ROBO2: variants seen among roughly 807,000 people sequenced by gnomAD.
ROBO2 encodes the protein roundabout guidance receptor 2, also known as roundabout homolog 2.
ROBO2 carries 53 observed loss-of-function variants against 160.8 expected under a neutral mutation model. The observed-to-expected ratio is 0.33, with a 90% CI of 0.26 to 0.41. ROBO2 has a LOEUF of 0.41. Ranked by LOEUF, ROBO2 falls within the 10% of genes least tolerant of loss-of-function variation. The probability of loss-of-function intolerance (pLI) is 1.00; values close to 1 mark genes in which losing one functional copy is unlikely to be tolerated. For synonymous variants in ROBO2, 664 were observed against 611.7 expected, an observed-to-expected ratio of 1.09 and a Z score of -1.26; for missense variants, 1,577 against 1,722.4, an observed-to-expected ratio of 0.92 and a Z score of 1.49.
chr3:77,034,428 G>A lies in ROBO2; in HGVS notation c.110-63586G>A, dbSNP rs867531274. On this transcript the variant is annotated intron_variant, in intron 2 of 26. Transcript: ENST00000487694. Reference sequence around the variant, plus strand: ...ACTTCAGGTACTCCACAAGTAGTCAGAATTTGTTTTATCAGGCAGAAATAA... The same window carrying A: ...ACTTCAGGTACTCCACAAGTAGTCAAAATTTGTTTTATCAGGCAGAAATAA... Among the ~76,000 whole-genome samples, 73 of 148,242 alleles carry A rather than the reference G, an allele frequency of 4.9e-4. 1 individual carries two copies. Among genetic ancestry groups the A allele is most frequent in the African/African-American group, 1.7e-3 (71 of 40,572 alleles).
chr3:77,129,648 C>A (rs768840294), intron 2 of ROBO2, among the ~76,000 whole-genome samples: 1 of 152,118 alleles, frequency 6.6e-6, no homozygotes, highest in African/African-American at 2.4e-5. Flanking sequence ...GTGCAACGTG[C>A]GGTCGGGTGT....
At chr3:75,966,087 A>T (rs187411498) in intron 2 of ROBO2, among the ~76,000 whole-genome samples, 1 of 151,846 alleles carries the variant, frequency 6.6e-6, no homozygotes, top group East Asian at 2.0e-4. Flanking sequence ...TAACTTGACT[A>T]TTATACAAAT....
chr3:77,167,199 T>G (rs2079177945), intron 2 of ROBO2, among the ~76,000 whole-genome samples: 1 of 152,122 alleles, frequency 6.6e-6, no homozygotes, highest in South Asian at 2.1e-4. Flanking sequence ...ATTTAAACAT[T>G]GTATTTGGCC....
chr3:77,037,656 CCA>C (rs2063720075), upstream of ROBO2, among the ~76,000 whole-genome samples: 2 of 151,912 alleles, frequency 1.3e-5, no homozygotes, highest in African/African-American at 4.8e-5. Context: ...CTTCTGTTTC[CCA>C]CACACACTCT....
intron 2 of ROBO2, among the ~76,000 whole-genome samples, chr3:76,619,206 A>G (rs975210267): frequency 1.6e-3 from 242 of 151,508 alleles, no homozygotes; most frequent in African/African-American, 5.3e-3. Context: ...CGGGCGTGGT[A>G]GCGGGCGCCT....
At chr3:76,470,547 T>C (rs1302970327) in intron 2 of ROBO2, among the ~76,000 whole-genome samples, 2 of 152,106 alleles carry the variant, frequency 1.3e-5, no homozygotes, top group Non-Finnish European at 2.9e-5. Context: ...CTCGGGCTTC[T>C]CATACCAGAG....
chr3:77,399,324 C>T (rs2075585820), intron 2 of ROBO2, among the ~76,000 whole-genome samples: 1 of 152,196 alleles, frequency 6.6e-6, no homozygotes, highest in African/African-American at 2.4e-5. Flanking sequence ...ATGCCCAATG[C>T]ACATATTCCT....
chr3:76,388,796 C>G (rs1033195583), intron 2 of ROBO2, among the ~76,000 whole-genome samples: 27 of 152,132 alleles, frequency 1.8e-4, no homozygotes, highest in African/African-American at 6.3e-4. Context: ...TTCCATCTAT[C>G]CATTTATCTA....
chr3:76,846,706 C>T (rs904325210), intron 2 of ROBO2, among the ~76,000 whole-genome samples: 1 of 152,138 alleles, frequency 6.6e-6, no homozygotes, highest in African/African-American at 2.4e-5. Context: ...CTTAAACTCA[C>T]AAACTATTTA....
intron 2 of ROBO2, among the ~76,000 whole-genome samples, chr3:76,521,045 C>CTTTTTTTTTT (rs58517740): frequency 3.0e-5 from 3 of 100,122 alleles, no homozygotes; most frequent in East Asian, 3.0e-4. Flanking sequence ...AAAATTGCTT[C>CTTTTTTTTTT]TTTTTTTTTT....
At chr3:76,396,235 C>T (rs957614848) in intron 2 of ROBO2, among the ~76,000 whole-genome samples, 5 of 152,102 alleles carry the variant, frequency 3.3e-5, no homozygotes, top group African/African-American at 1.2e-4. Context: ...ATGATTATCT[C>T]AACAGATGAA....
intron 2 of ROBO2, among the ~76,000 whole-genome samples, chr3:76,531,223 T>C (rs2082206029): frequency 6.6e-6 from 1 of 152,216 alleles, no homozygotes; most frequent in Admixed American, 6.5e-5. Context: ...AAGTTCACTT[T>C]AATGAAAACC....
At chr3:77,641,037 A>G (rs2095343704) in intron 24 of ROBO2, among the ~76,000 whole-genome samples, 1 of 152,238 alleles carries the variant, frequency 6.6e-6, no homozygotes, top group Non-Finnish European at 1.5e-5. Flanking sequence ...CCTCACTGGC[A>G]GTCTAAGTTC....
At chr3:77,041,580 C>G (rs1378164373) in intron 1 of ROBO2, among the ~76,000 whole-genome samples, 3 of 152,118 alleles carry the variant, frequency 2.0e-5, no homozygotes, top group Non-Finnish European at 4.4e-5. Context: ...GTCTTTTGTT[C>G]CGATTTGGTT....
At chr3:76,388,418 C>G (rs978094812) in intron 2 of ROBO2, among the ~76,000 whole-genome samples, 1 of 151,982 alleles carries the variant, frequency 6.6e-6, no homozygotes, top group African/African-American at 2.4e-5. Flanking sequence ...ACTACAGGCA[C>G]CCGCCGCCAC....
At chr3:77,148,180 C>T (rs533802063) in intron 2 of ROBO2, among the ~76,000 whole-genome samples, 7 of 152,268 alleles carry the variant, frequency 4.6e-5, no homozygotes, top group African/African-American at 1.4e-4. Flanking sequence ...TACTTCTGTG[C>T]TTCCTCCTTC....
intron 2 of ROBO2, among the ~76,000 whole-genome samples, chr3:77,102,335 G>C (rs2072076019): frequency 6.6e-6 from 1 of 152,048 alleles, no homozygotes; most frequent in South Asian, 2.1e-4. Context: ...GGCATTGTAA[G>C]ATGTTTAGAC....
intron 2 of ROBO2, among the ~76,000 whole-genome samples, chr3:76,961,081 G>T (rs2079612844): frequency 6.6e-6 from 1 of 151,870 alleles, no homozygotes; most frequent in South Asian, 2.1e-4. Context: ...TTGGACCAAA[G>T]TTGGGGCCCA....
chr3:76,465,435 A>G (rs1231770791), intron 2 of ROBO2, among the ~76,000 whole-genome samples: 1 of 152,076 alleles, frequency 6.6e-6, no homozygotes, highest in Non-Finnish European at 1.5e-5. Flanking sequence ...GGCATTTTAT[A>G]CCCACCCATC....
Sources: allele counts gnomAD v4.1 joint callset (sites outside exome capture counted in the v4.1 genomes callset), GRCh38; gene constraint gnomAD v4.1.1; transcripts MANE v1.5; gene names NCBI Gene and HGNC (gene_info 2026-07-23, HGNC 2026-07-21).